Variants in ESRRG observed in about 807,000 individuals in gnomAD.
ESRRG encodes estrogen-related receptor gamma.
In ESRRG, 13 loss-of-function variants were observed where a neutral mutation model predicts 44.0. That is an observed-to-expected ratio of 0.30 (90% CI 0.19 to 0.47). The LOEUF (loss-of-function observed/expected upper bound fraction) is 0.47. Among genes scored for constraint, ESRRG ranks in the 20% least tolerant of loss-of-function variants. The pLI is 1.00. For missense variants in ESRRG, 395 were observed against 580.6 expected (o/e 0.68, Z 3.29); for synonymous variants, 215 against 214.6 (o/e 1.00, Z -0.02).
chr1:216,506,076 A>G lies in ESRRG; in HGVS notation c.*863T>C, dbSNP rs2041142037. 6.5e-6 allele frequency: 1 copy of G among 152,736 alleles called. No homozygotes were observed. The allele number at this position is 152,736 out of a possible 1,614,324, so 9.5% of individuals were successfully genotyped here. ...GAAAAAGTTACATAGTAGCTAAACT[A>G]ACAAATACCTGGAAGACTTGAAAAA... On this transcript the variant is annotated 3_prime_UTR_variant, in exon 7 of 7. Transcript: ENST00000408911.
At chr1:216,791,317 G>C (rs1179132845) in intron 2 of ESRRG, among the ~76,000 whole-genome samples, 2 of 151,920 alleles carry the variant, frequency 1.3e-5, no homozygotes, top group African/African-American at 4.8e-5. Context: ...TCTTTCTCCT[G>C]CTTGCTCCAT....
At chr1:216,940,162 G>C (rs1212552098) in intron 1 of ESRRG, among the ~76,000 whole-genome samples, 2 of 152,128 alleles carry the variant, frequency 1.3e-5, no homozygotes, top group African/African-American at 4.8e-5. Context: ...AAAAACACAA[G>C]AGAGCGAGTA....
chr1:216,958,838 C>T (rs1046522258), intron 1 of ESRRG, among the ~76,000 whole-genome samples: 1 of 152,144 alleles, frequency 6.6e-6, no homozygotes, highest in Non-Finnish European at 1.5e-5. Flanking sequence ...CCTCTCAGAG[C>T]TCCTGTTCCC....
intron 1 of ESRRG, among the ~76,000 whole-genome samples, chr1:216,686,788 C>A (rs1278824250): frequency 6.6e-6 from 1 of 152,132 alleles, no homozygotes; most frequent in Non-Finnish European, 1.5e-5. Context: ...ATTGTACCAC[C>A]CTGACTCTCA....
intron 1 of ESRRG, among the ~76,000 whole-genome samples, chr1:216,999,613 A>C (rs1283633191): frequency 6.6e-6 from 1 of 152,178 alleles, no homozygotes; most frequent in East Asian, 1.9e-4. Context: ...TAAAAAACTA[A>C]AAAAGATCCA....
chr1:216,556,897 A>G (rs11572790), intron 5 of ESRRG, among the ~76,000 whole-genome samples: 1,536 of 152,288 alleles, frequency 0.01, 23 homozygotes, highest in African/African-American at 0.036. Context: ...GAAGGAAGGA[A>G]AGGAAGGCAA....
At chr1:217,023,571 G>A (rs900115129) in intron 1 of ESRRG, among the ~76,000 whole-genome samples, 2 of 152,146 alleles carry the variant, frequency 1.3e-5, no homozygotes, top group African/African-American at 2.4e-5. Context: ...ATCTTTGAAA[G>A]CAAAATTTAT....
chr1:216,583,384 G>T lies in ESRRG; in HGVS notation c.590-15286C>A, dbSNP rs190186209. On this transcript the variant is annotated intron_variant, in intron 3 of 6. Transcript: ENST00000408911. ...AGCAAGGCCTCTGACAGAAGTACTGGCTTCTCTCAATGTATGTATTTCAAA... is the reference window on the plus strand; with the variant it reads ...AGCAAGGCCTCTGACAGAAGTACTGTCTTCTCTCAATGTATGTATTTCAAA... 1.1e-4 allele frequency among the ~76,000 whole-genome samples: 16 copies of T among 152,294 alleles called. No individual in the cohort carries two copies. In the South Asian group the frequency reaches 3.1e-3, roughly 30 times the overall value.
intron 2 of ESRRG, among the ~76,000 whole-genome samples, chr1:216,879,585 G>T (rs544118802): frequency 1.3e-5 from 2 of 151,782 alleles, no homozygotes; most frequent in African/African-American, 4.8e-5. Flanking sequence ...AGAGTGAAGA[G>T]AGGATCTCTA....
chr1:216,656,810 A>G (rs2070723081), intron 2 of ESRRG, among the ~76,000 whole-genome samples: 2 of 152,176 alleles, frequency 1.3e-5, no homozygotes, highest in Admixed American at 6.5e-5. Flanking sequence ...CCAATTTGAA[A>G]GCATCTGTAT....
At position 216,921,754 on chromosome 1, in the gene ESRRG, C is replaced by T. The variant is rs548939736; in HGVS notation, c.-14+17828G>A. Among the ~76,000 whole-genome samples the T allele has an allele frequency of 3.3e-5, 5 of 152,286 alleles. No homozygotes were observed. The East Asian group carries it at 5.8e-4, about 18-fold the overall frequency. ...ATATATTGCATTTATTGTCTTAACT[C>T]CTTCCACTGGAATAAAAACTTCAGG... is the stretch of plus-strand genomic sequence containing the variant. On this transcript the variant is annotated intron_variant, in intron 2 of 7. Coordinates refer to the ESRRG transcript ENST00000359162.
intron 1 of ESRRG, among the ~76,000 whole-genome samples, chr1:216,965,283 G>A (rs2070057924): frequency 6.6e-6 from 1 of 151,990 alleles, no homozygotes; most frequent in South Asian, 2.1e-4. Flanking sequence ...TTCAGTATAA[G>A]CTGTCAGTCC....
chr1:216,815,596 C>T (rs1203335925), intron 2 of ESRRG, among the ~76,000 whole-genome samples: 1 of 152,192 alleles, frequency 6.6e-6, no homozygotes, highest in African/African-American at 2.4e-5. Context: ...GCCTCCCTGG[C>T]TTGGCTGCAC....
intron 1 of ESRRG, among the ~76,000 whole-genome samples, chr1:216,705,990 T>C (rs995045274): frequency 6.6e-6 from 1 of 151,980 alleles, no homozygotes; most frequent in Non-Finnish European, 1.5e-5. Context: ...AAGTGGGGCA[T>C]TGGCAAATCC....
At chr1:216,889,955 T>C (rs11572529) in intron 2 of ESRRG, among the ~76,000 whole-genome samples, 2,668 of 152,268 alleles carry the variant, frequency 0.018, 81 homozygotes, top group African/African-American at 0.061. Flanking sequence ...ATAAAGTCAA[T>C]CTTATCTCCA....
chr1:216,968,644 A>G (rs2150258363), intron 1 of ESRRG, among the ~76,000 whole-genome samples: 1 of 150,784 alleles, frequency 6.6e-6, no homozygotes, highest in East Asian at 1.9e-4. Flanking sequence ...GTAGCTTTAA[A>G]GTAGTATCAG....
rs969296888 is a variant in ESRRG, at chr1:217,053,275, T to C, written c.-106+36232A>G. The stretch of plus-strand genomic sequence containing the variant: ...TTCGAGACCAGCCTGGCCAACATGG[T>C]GAAACCCCGTTTCTACTAAAAATAC... On this transcript the variant is annotated intron_variant, in intron 1 of 7. Coordinates refer to the ESRRG transcript ENST00000359162. 2.0e-5 allele frequency among the ~76,000 whole-genome samples: 3 copies of C among 151,756 alleles called. No homozygotes were observed. In the East Asian group the frequency reaches 5.8e-4, roughly 29 times the overall value.
chr1:216,884,878 A>G (rs2149347295), intron 2 of ESRRG, among the ~76,000 whole-genome samples: 1 of 152,324 alleles, frequency 6.6e-6, no homozygotes, highest in Admixed American at 6.5e-5. Context: ...GGCCGGCCAC[A>G]TTCCACACAC....
chr1:216,839,441 C>A (rs1462514240), intron 2 of ESRRG, among the ~76,000 whole-genome samples: 1 of 152,146 alleles, frequency 6.6e-6, no homozygotes, highest in Non-Finnish European at 1.5e-5. Context: ...TTTTGACCAC[C>A]TTTTATGAAT....
Sources: gnomAD v4.1 joint callset for allele counts (sites outside exome capture counted in the v4.1 genomes callset) on GRCh38, gnomAD v4.1.1 for gene constraint, MANE v1.5 for transcripts, NCBI Gene and HGNC (gene_info 2026-07-23, HGNC 2026-07-21) for gene names.